ALOX12B: variants seen among roughly 807,000 people sequenced by gnomAD.
ALOX12B encodes the protein arachidonate 12-lipoxygenase, 12R-type.
ALOX12B carries 47 observed loss-of-function variants against 78.9 expected under a neutral mutation model. That is an observed-to-expected ratio of 0.60 (90% confidence interval 0.47 to 0.76). The LOEUF (loss-of-function observed/expected upper bound fraction) is 0.76, where lower values mean the gene tolerates loss of function less well. Among genes scored for constraint, ALOX12B ranks in the 30% least tolerant of loss-of-function variants. ALOX12B has a pLI of 0.00. For synonymous variants in ALOX12B, 370 were observed against 374.5 expected (o/e 0.99, Z 0.14); for missense variants, 805 against 922.6 (o/e 0.87, Z 1.65).
chr17:8,078,265 C>G (rs1977130916), intron 8 of ALOX12B, among the ~76,000 whole-genome samples: 1 of 151,510 alleles, frequency 6.6e-6, no homozygotes, highest in South Asian at 2.1e-4. Flanking sequence ...CCTGCCTCAG[C>G]CTCCTGAATA....
At chr17:8,085,986 A>G in intron 2 of ALOX12B, 30 bp downstream of exon 2, 2 of 1,612,270 alleles carry the variant, frequency 1.2e-6, no homozygotes, top group Non-Finnish European at 1.7e-6. Context: ...CCTCACGGCC[A>G]TAGGATGGAG....
In ALOX12B at chr17:8,080,891, G is replaced by C; in HGVS notation, c.520C>G (p.Arg174Gly). The change falls in exon 4 of 15, where the codon CGG becomes GGG. Residue 174 changes from arginine to glycine, a missense_variant. Arg to Gly is a moderately radical substitution (Grantham distance 125, BLOSUM62 -2). Coordinates refer to ENST00000647874, the MANE Select transcript of ALOX12B (RefSeq NM_001139.3). This position sits in a 1 kb window ranked among gnomAD's most constrained non-coding sequence, Gnocchi z 4.8. ...ACAGCTTCGGGTCCTTACTCAGGCC[G>C]GTTGGGGTTGCGATGCCTCCGCACC... ...PPVRRHRNPNRPEWNGYIPGF... is the reference protein window; with the variant it reads ...PPVRRHRNPNGPEWNGYIPGF... 9 of 1,613,964 alleles carry C rather than the reference G, an allele frequency of 5.6e-6. No homozygotes were observed. Among genetic ancestry groups the C allele is most frequent in the Non-Finnish European group, 7.6e-6 (9 of 1,180,014 alleles).
chr17:8,077,049 CAATG>C lies in ALOX12B; in HGVS notation c.1212_1215del (p.Ile405LeufsTer9). ...AGCAAGGCCAGGCAGAAGGCCTCAG[CAATG>C]AGGTGTGTCTCCAGCAGGTGGGCGA... On this transcript the variant is annotated frameshift_variant, in exon 9 of 15. Transcript: ENST00000647874. LOFTEE classifies it high-confidence loss of function. The C allele has an allele frequency of 6.2e-7, 1 of 1,614,042 alleles. No homozygotes were observed. The highest frequency in any genetic ancestry group is 8.5e-7 in the Non-Finnish European group (1 of 1,180,012).
chr17:8,080,625 G>GA lies in ALOX12B; in HGVS notation c.650+32_650+33insT. Reference sequence around the variant, plus strand: ...GGGGAGAGGGAAAGTTCTTGCAGGAGCCCTCGTTCTCCCGTCACTCACACG... The same window carrying GA: ...GGGGAGAGGGAAAGTTCTTGCAGGAGACCCTCGTTCTCCCGTCACTCACACG... On this transcript the variant is annotated intron_variant, in intron 5 of 14. Transcript: ENST00000647874. This position sits in a 1 kb window ranked among gnomAD's most constrained non-coding sequence, Gnocchi z 4.8. 1 of 1,613,900 alleles carries GA rather than the reference G, an allele frequency of 6.2e-7. No individual in the cohort carries two copies.
Position 8,080,623 on chromosome 17 carries a change from G to A in ALOX12B, c.650+35C>T. On this transcript the variant is annotated intron_variant, in intron 5 of 14. Coordinates refer to ENST00000647874, the MANE Select transcript of ALOX12B (RefSeq NM_001139.3). The surrounding 1 kb of genome is among the most constrained non-coding windows in gnomAD (Gnocchi z 4.8). Reference sequence around the variant, plus strand: ...TGGGGGAGAGGGAAAGTTCTTGCAGGAGCCCTCGTTCTCCCGTCACTCACA... The same window carrying A: ...TGGGGGAGAGGGAAAGTTCTTGCAGAAGCCCTCGTTCTCCCGTCACTCACA... 6.2e-7 allele frequency: 1 copy of A among 1,613,888 alleles called. No individual in the cohort carries two copies. The highest frequency in any genetic ancestry group is 1.1e-5 in the South Asian group (1 of 90,946).
In ALOX12B at chr17:8,087,311, G is replaced by A; in HGVS notation, c.132C>T (p.Asp44=). The A allele has an allele frequency of 6.2e-7, 1 of 1,612,992 alleles. No individual in the cohort carries two copies. Among genetic ancestry groups the A allele is most frequent in the Non-Finnish European group, 8.5e-7 (1 of 1,179,802 alleles). The part of the protein sequence containing the change: ...HKQLLNHFGR[D]FATGAVGQYT... ...ACACTCTTACCGCCCCAGTTGCAAA[G>A]TCTCTCCCAAAGTGGTTCAGCAGCT... is the stretch of plus-strand genomic sequence containing the variant. Residue 44 remains aspartate, a synonymous_variant, in exon 1 of 15, where the codon GAC becomes GAT. Coordinates refer to ENST00000647874, the MANE Select transcript of ALOX12B (RefSeq NM_001139.3).
In ALOX12B at chr17:8,080,042, G is replaced by A. The variant is rs1335728123; in HGVS notation, c.755-101C>T. 1 of 1,522,416 alleles carries A rather than the reference G, an allele frequency of 6.6e-7. No individual in the cohort carries two copies. The highest frequency in any genetic ancestry group is 1.9e-5 in the Admixed American group (1 of 52,358). The allele number at this position is 1,522,416 out of a possible 1,614,324, so 94.3% of individuals were successfully genotyped here. On this transcript the variant is annotated intron_variant, in intron 6 of 14. Transcript: ENST00000647874. The surrounding 1 kb of genome is among the most constrained non-coding windows in gnomAD (Gnocchi z 4.8). ...ACTATGGGCACCGAGAGGAGTCGGG[G>A]AGGAAAACGAGGCCCCCAGCCTGGC... is the stretch of plus-strand genomic sequence containing the variant.
Position 8,077,036 on chromosome 17 carries a change from C to A in ALOX12B, c.1229G>T (p.Cys410Phe), listed in dbSNP as rs138729161. The change falls in exon 9 of 15, where the codon TGC (cysteine) becomes TTC (phenylalanine). Residue 410 changes from cysteine (C) to phenylalanine (F), a missense_variant. Cys to Phe is a radical substitution (Grantham distance 205). Transcript: ENST00000647874. Reference protein sequence around the residue: ...LETHLIAEAFCLALLRNLPMC... With the variant: ...LETHLIAEAFFLALLRNLPMC... ...GGGCAGGTTCCTCAGCAAGGCCAGG[C>A]AGAAGGCCTCAGCAATGAGGTGTGT... 882 of 1,614,000 alleles carry A rather than the reference C, an allele frequency of 5.5e-4. 4 individuals carry two copies. In the African/African-American group the frequency reaches 7.1e-3, roughly 13 times the overall value.
chr17:8,074,882 T>C, intron 12 of ALOX12B, among the ~76,000 whole-genome samples: 1 of 152,178 alleles, frequency 6.6e-6, no homozygotes, highest in Non-Finnish European at 1.5e-5. Flanking sequence ...TCCGTCCCCA[T>C]CCTCAGTCAT....
Position 8,072,905 on chromosome 17 carries a change from G to C in ALOX12B, c.1972C>G (p.Pro658Ala), listed in dbSNP as rs773297344. 3 of 1,614,030 alleles carry C rather than the reference G, an allele frequency of 1.9e-6. No individual in the cohort carries two copies. In the South Asian group the frequency reaches 3.3e-5, roughly 18 times the overall value. Residue 658 changes from proline (P) to alanine (A), a missense_variant, in exon 15 of 15, where the codon CCG becomes GCG. Physicochemically the swap from Pro to Ala is conservative, Grantham distance 27 (BLOSUM62 -1). Transcript: ENST00000647874. ...CGGAACGCCTCTATGCTCCTCCGCGGGGCCTCCTCCACGAAGTGAATGTCC... is the reference window on the plus strand; with the variant it reads ...CGGAACGCCTCTATGCTCCTCCGCGCGGCCTCCTCCACGAAGTGAATGTCC... ...FPDIHFVEEA[P>A]RRSIEAFRQR...
chr17:8,073,415 G>T (rs1977022498), intron 13 of ALOX12B, 97 bp from the exon 14 acceptor site: 1 of 1,528,632 alleles, frequency 6.5e-7, no homozygotes, highest in Admixed American at 1.7e-5. Context: ...CGCTGAGATG[G>T]ACTCCCCGCC....
At position 8,080,075 on chromosome 17, in the gene ALOX12B, G is replaced by T; in HGVS notation, c.755-134C>A. On this transcript the variant is annotated intron_variant, in intron 6 of 14. Coordinates refer to ENST00000647874, the MANE Select transcript of ALOX12B (RefSeq NM_001139.3). This position sits in a 1 kb window ranked among gnomAD's most constrained non-coding sequence, Gnocchi z 4.8. ...CGAGGCCCCCAGCCTGGCGCTGAGC[G>T]GCCGGAGGAGCCCGGTGCGACATTT... 1 of 1,484,330 alleles carries T rather than the reference G, an allele frequency of 6.7e-7. No homozygotes were observed. The allele number at this position is 1,484,330 out of a possible 1,614,324, so 91.9% of individuals were successfully genotyped here. A position where few individuals can be genotyped will look rare whatever the true frequency, so the allele number is the denominator to read the frequency against.
Position 8,079,807 on chromosome 17 carries a change from A to G in ALOX12B, c.889T>C (p.Phe297Leu), listed in dbSNP as rs746912969. Residue 297 changes from phenylalanine to leucine, a missense_variant, in exon 7 of 15, where the codon TTC becomes CTC. Phe to Leu is a conservative substitution (Grantham distance 22). Transcript: ENST00000647874. This position sits in a 1 kb window ranked among gnomAD's most constrained non-coding sequence, Gnocchi z 6.4. ...TGCAAGCACGTTCCCTCGCCCAGGA[A>G]CGGAGCCACCATGTCGTCTGTGACG... ...FPVTDDMVAP[F>L]LGEGTCLQAE... 6.2e-7 allele frequency: 1 copy of G among 1,613,314 alleles called. No individual in the cohort carries two copies. Among genetic ancestry groups the G allele is most frequent in the East Asian group, 2.2e-5 (1 of 44,872 alleles).
At chr17:8,073,834 C>T (rs970728898) in intron 12 of ALOX12B, 77 bp from the exon 13 acceptor site, 9 of 1,173,628 alleles carry the variant, frequency 7.7e-6, no homozygotes, top group East Asian at 2.5e-5. Context: ...CGCCACCATG[C>T]CCCGCTCTCA....
chr17:8,083,251 T>C (rs1275673048), intron 2 of ALOX12B, among the ~76,000 whole-genome samples: 1 of 152,056 alleles, frequency 6.6e-6, no homozygotes, highest in Non-Finnish European at 1.5e-5. Flanking sequence ...GATACATGTG[T>C]ATGTAGCTTC....
rs1318859318 is a variant in ALOX12B at position 8,073,886 on chromosome 17, T to A, written c.1655-129A>T. ...TCAAGCTGCCGCATCCGTACCCTCATCCTGCCTGCGTGACCCTCCTATGGC... is the reference window on the plus strand; with the variant it reads ...TCAAGCTGCCGCATCCGTACCCTCAACCTGCCTGCGTGACCCTCCTATGGC... On this transcript the variant is annotated intron_variant, in intron 12 of 14. Transcript: ENST00000647874. 7.9e-5 allele frequency: 60 copies of A among 760,642 alleles called. No individual in the cohort carries two copies. In the East Asian group the frequency reaches 1.6e-3, roughly 20 times the overall value. 47.1% of individuals were successfully genotyped at this position (760,642 alleles called of 1,614,324 possible).
Position 8,087,603 on chromosome 17 carries a change from G to T in ALOX12B, c.-161C>A. 1 of 1,220,784 alleles carries T rather than the reference G, an allele frequency of 8.2e-7. No individual in the cohort carries two copies. Among genetic ancestry groups the T allele is most frequent in the Non-Finnish European group, 1.2e-6 (1 of 868,908 alleles). 75.6% of individuals were successfully genotyped at this position (1,220,784 alleles called of 1,614,324 possible). ...GTGGCGAGGTGGGGTGACTAGGCCT[G>T]CCAGCCAAATTCTGGAAAAGCTGCT... On this transcript the variant is annotated 5_prime_UTR_variant, in exon 1 of 15. Transcript: ENST00000647874.
chr17:8,085,881 G>T, intron 2 of ALOX12B, 135 bp downstream of exon 2: 1 of 1,009,878 alleles, frequency 9.9e-7, no homozygotes, highest in Non-Finnish European at 1.5e-6. Flanking sequence ...TGTGACAGTG[G>T]CAGGAGAGCC....
At position 8,086,051 on chromosome 17, in the gene ALOX12B, T is replaced by A. The variant is rs1301751115; in HGVS notation, c.317A>T (p.Asp106Val). ...IYHFPAYQWMDGYETLALREA... is the reference protein window; with the variant it reads ...IYHFPAYQWMVGYETLALREA... ...CCGGAGTGCCAGGGTCTCGTAGCCA[T>A]CCATCCACTGGTAGGCGGGGAAGTG... The change falls in exon 2 of 15, where the codon GAT becomes GTT. Residue 106 changes from aspartate (D) to valine (V), a missense_variant. Physicochemically the swap from Asp to Val is radical, Grantham distance 152. Coordinates refer to ENST00000647874, the MANE Select transcript of ALOX12B (RefSeq NM_001139.3). The A allele has an allele frequency of 6.2e-6, 10 of 1,614,128 alleles. No homozygotes were observed. Among genetic ancestry groups the A allele is most frequent in the Non-Finnish European group, 8.5e-6 (10 of 1,180,004 alleles).
Sources: allele counts gnomAD v4.1 joint callset (sites outside exome capture counted in the v4.1 genomes callset), GRCh38; gene constraint gnomAD v4.1.1; non-coding constraint Gnocchi (gnomAD v3.1); transcripts MANE v1.5; gene names NCBI Gene and HGNC (gene_info 2026-07-23, HGNC 2026-07-21).